Variants in ZNF532 observed in about 807,000 individuals in gnomAD.
ZNF532 encodes zinc finger protein 532.
ZNF532 carries 22 observed loss-of-function variants against 89.3 expected under a neutral mutation model. The observed-to-expected ratio is 0.25, with a 90% CI of 0.18 to 0.35. The LOEUF is 0.35. Ranked by LOEUF, ZNF532 falls within the 10% of genes least tolerant of loss-of-function variation. The pLI is 1.00. For synonymous variants in ZNF532, 606 were observed against 649.6 expected (o/e 0.93, Z 1.02); for missense variants, 1,132 against 1,643.4 (o/e 0.69, Z 5.38).
intron 2 of ZNF532, among the ~76,000 whole-genome samples, chr18:58,888,724 T>TATAATTTATATATATATA (rs753186648): frequency 2.6e-5 from 1 of 37,826 alleles, no homozygotes; most frequent in African/African-American, 1.3e-4. Flanking sequence ...TATATATATA[T>TATAATTTATATATATATA]AAATTATATA....
chr18:58,868,422 G>C (rs2056673960), intron 2 of ZNF532, among the ~76,000 whole-genome samples: 1 of 152,132 alleles, frequency 6.6e-6, no homozygotes, highest in South Asian at 2.1e-4. Flanking sequence ...CCACCACCAC[G>C]GGCGAAGCAG....
intron 2 of ZNF532, among the ~76,000 whole-genome samples, chr18:58,898,900 T>C (rs11152103): frequency 0.6 from 90,534 of 152,138 alleles, 28,249 homozygotes; most frequent in African/African-American, 0.79. Flanking sequence ...CCTCCTTGTT[T>C]GGCCAGTTTC....
chr18:58,929,548 T>A (rs2061786139), intron 3 of ZNF532, among the ~76,000 whole-genome samples: 1 of 152,210 alleles, frequency 6.6e-6, no homozygotes, highest in African/African-American at 2.4e-5. Flanking sequence ...AATTTAAATT[T>A]TGGTCAAGAC....
At chr18:58,941,468 CT>C (rs71302776) in intron 5 of ZNF532, among the ~76,000 whole-genome samples, 160 of 114,924 alleles carry the variant, frequency 1.4e-3, no homozygotes, top group African/African-American at 3.4e-3. Flanking sequence ...CTCTCTCTCT[CT>C]TTTTTTTTTT....
intron 5 of ZNF532, among the ~76,000 whole-genome samples, chr18:58,942,776 A>G (rs1260036509): frequency 6.6e-6 from 1 of 152,236 alleles, no homozygotes; most frequent in Non-Finnish European, 1.5e-5. Flanking sequence ...TAAGTCCAAA[A>G]TGACTAAATA....
At chr18:58,955,206 A>G (rs2064645607) in intron 7 of ZNF532, among the ~76,000 whole-genome samples, 1 of 152,170 alleles carries the variant, frequency 6.6e-6, no homozygotes, top group Non-Finnish European at 1.5e-5. Context: ...GCAGTGAACC[A>G]TGATCATGCC....
At position 58,985,007 on chromosome 18, in the gene ZNF532, T is replaced by G. The variant is rs2068256428; in HGVS notation, c.*541T>G. Reference sequence around the variant, plus strand: ...ATGTGCCTGCCCTGAGGGAGTGAGTTCACATTTGAGACAACTGCACTCCAG... The same window carrying G: ...ATGTGCCTGCCCTGAGGGAGTGAGTGCACATTTGAGACAACTGCACTCCAG... On this transcript the variant is annotated 3_prime_UTR_variant, in exon 10 of 10. Transcript: ENST00000591808. 6.4e-6 allele frequency: 1 copy of G among 155,202 alleles called. No homozygotes were observed. Among genetic ancestry groups the G allele is most frequent in the African/African-American group, 2.4e-5 (1 of 41,472 alleles). 9.6% of individuals were successfully genotyped at this position (155,202 alleles called of 1,614,324 possible). A position where few individuals can be genotyped will look rare whatever the true frequency, so the allele number is the denominator to read the frequency against.
intron 2 of ZNF532, among the ~76,000 whole-genome samples, chr18:58,915,011 A>AT (rs2060506194): frequency 1.3e-5 from 2 of 152,130 alleles, no homozygotes; most frequent in South Asian, 2.1e-4. Context: ...GGAGTTATAC[A>AT]TTTTTTTCCC....
At chr18:58,976,355 A>G (rs1281151580) in intron 7 of ZNF532, among the ~76,000 whole-genome samples, 1 of 152,144 alleles carries the variant, frequency 6.6e-6, no homozygotes, top group Non-Finnish European at 1.5e-5. Context: ...TCTGTATTAA[A>G]ATTTTGTTTT....
intron 2 of ZNF532, among the ~76,000 whole-genome samples, chr18:58,872,579 C>A (rs1343081291): frequency 6.6e-6 from 1 of 152,152 alleles, no homozygotes; most frequent in Non-Finnish European, 1.5e-5. Flanking sequence ...ACAGTGAGCC[C>A]ACATTGGAGG....
intron 9 of ZNF532, among the ~76,000 whole-genome samples, chr18:58,983,003 T>A (rs1259424001): frequency 6.6e-6 from 1 of 152,074 alleles, no homozygotes; most frequent in Non-Finnish European, 1.5e-5. Flanking sequence ...TCCCAGCTAC[T>A]TGGGAGGCTG....
chr18:58,901,595 A>G (rs2059604725), intron 2 of ZNF532, among the ~76,000 whole-genome samples: 1 of 152,136 alleles, frequency 6.6e-6, no homozygotes, highest in Non-Finnish European at 1.5e-5. Flanking sequence ...GGTGTGGGTA[A>G]TTTTGCAAAG....
chr18:58,962,759 G>A (rs1038767053), intron 7 of ZNF532, among the ~76,000 whole-genome samples: 3 of 152,004 alleles, frequency 2.0e-5, no homozygotes, highest in Non-Finnish European at 4.4e-5. Flanking sequence ...CCACCACCAC[G>A]CCCGGCTAAT....
At chr18:58,933,624 T>G (rs2062136444) in intron 3 of ZNF532, among the ~76,000 whole-genome samples, 1 of 152,200 alleles carries the variant, frequency 6.6e-6, no homozygotes, top group African/African-American at 2.4e-5. Flanking sequence ...GTCCTCAGTT[T>G]ATGTTTACTT....
intron 2 of ZNF532, among the ~76,000 whole-genome samples, chr18:58,879,195 A>G (rs988620858): frequency 2.0e-5 from 3 of 152,176 alleles, no homozygotes; most frequent in Admixed American, 6.5e-5. Context: ...AATCTGATAC[A>G]TTAGCGTCTC....
intron 7 of ZNF532, among the ~76,000 whole-genome samples, chr18:58,975,508 C>T (rs1395288597): frequency 3.3e-5 from 5 of 152,340 alleles, no homozygotes; most frequent in East Asian, 3.9e-4. Flanking sequence ...CGTGGCAAAC[C>T]GAGACACGTC....
chr18:58,962,364 G>GTCAT (rs1788240107), intron 7 of ZNF532, among the ~76,000 whole-genome samples: 1 of 152,176 alleles, frequency 6.6e-6, no homozygotes, highest in African/African-American at 2.4e-5. Flanking sequence ...CAGTCTAAAA[G>GTCAT]TCATTCCATG....
intron 7 of ZNF532, among the ~76,000 whole-genome samples, chr18:58,960,569 C>T (rs142135729): frequency 2.4e-3 from 366 of 152,240 alleles, no homozygotes; most frequent in Middle Eastern, 6.8e-3. Context: ...AAGAACTAGG[C>T]GAAGACTAAG....
chr18:58,888,715 ATATATATATAAATTATATATATATATTT>A (rs2058501381), intron 2 of ZNF532, among the ~76,000 whole-genome samples: 13 of 46,732 alleles, frequency 2.8e-4, no homozygotes, highest in East Asian at 1.5e-3. Context: ...ATATATATAT[ATATATATATAAATTATATATATATATTT>A]TATATATATA....
Sources: allele counts gnomAD v4.1 joint callset (sites outside exome capture counted in the v4.1 genomes callset), GRCh38; gene constraint gnomAD v4.1.1; transcripts MANE v1.5; gene names NCBI Gene and HGNC (gene_info 2026-07-23, HGNC 2026-07-21).